Variants in AHR observed in about 807,000 individuals in gnomAD.
AHR encodes aryl hydrocarbon receptor, also known as AH-receptor.
Under a neutral mutation model 86.8 loss-of-function variants are expected in AHR, and 40 were observed. The observed-to-expected ratio is 0.46, with a 90% CI of 0.36 to 0.60. AHR has a LOEUF of 0.60. AHR is among the 20% of genes least tolerant of loss of function. The probability of loss-of-function intolerance (pLI) is 0.00; values close to 1 mark genes in which losing one functional copy is unlikely to be tolerated. For missense variants in AHR, 1,001 were observed against 1,011.6 expected, an observed-to-expected ratio of 0.99 and a Z score of 0.14; for synonymous variants, 398 against 354.9, an observed-to-expected ratio of 1.12 and a Z score of -1.37.
In AHR at chr7:17,309,949, C is replaced by A; in HGVS notation, c.79C>A (p.Pro27Thr). 1.3e-6 allele frequency: 2 copies of A among 1,578,224 alleles called. No homozygotes were observed. The highest frequency in any genetic ancestry group is 1.7e-6 in the Non-Finnish European group (2 of 1,155,216). ...KPVQKTVKPI[P>T]AEGIKSNPSK... ...TTTGTTTTTCAGAGTAAAGCCAATC[C>A]CAGCTGAAGGAATCAAGTCAAATCC... Residue 27 changes from proline (P) to threonine (T), a missense_variant, in exon 2 of 11, where the codon CCA becomes ACA. Transcript: ENST00000242057.
chr7:17,309,709 T>C (rs939190251), intron 1 of AHR, among the ~76,000 whole-genome samples: 2 of 152,252 alleles, frequency 1.3e-5, no homozygotes, highest in African/African-American at 4.8e-5. Flanking sequence ...AACATTTTCC[T>C]ATGATGAGTT....
At chr7:17,302,541 C>G (rs762473317) in intron 1 of AHR, among the ~76,000 whole-genome samples, 1 of 151,816 alleles carries the variant, frequency 6.6e-6, no homozygotes, top group Non-Finnish European at 1.5e-5. Context: ...CATCATTTTT[C>G]TTTCCAATAG....
chr7:17,331,771 G>C (rs1782298087), intron 6 of AHR, among the ~76,000 whole-genome samples: 1 of 151,980 alleles, frequency 6.6e-6, no homozygotes, highest in Non-Finnish European at 1.5e-5. Context: ...GGACTTGTCT[G>C]TTATCTCATT....
chr7:17,321,039 C>G (rs1782167442), intron 2 of AHR, among the ~76,000 whole-genome samples: 1 of 152,014 alleles, frequency 6.6e-6, no homozygotes, highest in South Asian at 2.1e-4. Flanking sequence ...GAGAGAAAGT[C>G]TAGTTATTAG....
intron 1 of AHR, among the ~76,000 whole-genome samples, chr7:17,309,073 G>A (rs1025288543): frequency 6.6e-6 from 1 of 152,134 alleles, no homozygotes; most frequent in Non-Finnish European, 1.5e-5. Context: ...ATTAATGTCT[G>A]CTGTGAAATC....
At position 17,334,033 on chromosome 7, in the gene AHR, C is replaced by G. The variant is rs2115366372; in HGVS notation, c.827C>G (p.Ser276Cys). The G allele has an allele frequency of 6.2e-7, 1 of 1,613,532 alleles. No individual in the cohort carries two copies. The highest frequency in any genetic ancestry group is 8.5e-7 in the Non-Finnish European group (1 of 1,179,534). ...FAIATPLQPPSILEIRTKNFI... is the reference protein window; with the variant it reads ...FAIATPLQPPCILEIRTKNFI... The stretch of plus-strand genomic sequence containing the variant: ...ATAGCTACTCCACTTCAGCCACCAT[C>G]CATACTTGAAATCCGGACCAAAAAT... Residue 276 changes from serine to cysteine, a missense_variant, in exon 7 of 11, where the codon TCC becomes TGC. By Grantham distance (112) the Ser-to-Cys change is moderately radical. Around this residue, in one of 2 missense-constraint regions of AHR, gnomAD observed 394 missense variants for 468.5 expected, o/e 0.84. Transcript: ENST00000242057.
chr7:17,317,103 A>G (rs1002140285), intron 2 of AHR, among the ~76,000 whole-genome samples: 2 of 131,064 alleles, frequency 1.5e-5, no homozygotes, highest in African/African-American at 5.6e-5. Flanking sequence ...CACTTGTTTT[A>G]GTGGAGAATT....
chr7:17,328,754 A>C (rs1329926773), intron 4 of AHR, among the ~76,000 whole-genome samples: 1 of 151,892 alleles, frequency 6.6e-6, no homozygotes, highest in Non-Finnish European at 1.5e-5. Flanking sequence ...GTTTTGTTAC[A>C]GGGGGTGTGT....
At chr7:17,336,336 C>G (rs542549272) in intron 9 of AHR, among the ~76,000 whole-genome samples, 1 of 151,746 alleles carries the variant, frequency 6.6e-6, no homozygotes, top group Admixed American at 6.6e-5. Flanking sequence ...GTATTTTGAT[C>G]AGGGGATTTT....
In AHR at chr7:17,343,682, A is replaced by G. The variant is rs1782450510; in HGVS notation, c.*618A>G. The G allele has an allele frequency of 6.6e-6, 1 of 152,500 alleles. No individual in the cohort carries two copies. The highest frequency in any genetic ancestry group is 6.5e-5 in the Admixed American group (1 of 15,274). 9.4% of individuals were successfully genotyped at this position (152,500 alleles called of 1,614,324 possible). A position where few individuals can be genotyped will look rare whatever the true frequency, so the allele number is the denominator to read the frequency against. On this transcript the variant is annotated 3_prime_UTR_variant, in exon 11 of 11. Coordinates refer to ENST00000242057, the MANE Select transcript of AHR (RefSeq NM_001621.5). ...ATAAAGTATTCTTTTTCTTTTTTAA[A>G]TTAATATCTTTCTGCACACAAATAT... is the stretch of plus-strand genomic sequence containing the variant.
At chr7:17,320,055 A>C (rs1782153053) in intron 2 of AHR, among the ~76,000 whole-genome samples, 1 of 152,098 alleles carries the variant, frequency 6.6e-6, no homozygotes, top group Non-Finnish European at 1.5e-5. Flanking sequence ...TTTCCTACTT[A>C]TGTAGTAGTT....
intron 9 of AHR, among the ~76,000 whole-genome samples, chr7:17,337,386 C>T (rs1350008343): frequency 6.6e-6 from 1 of 151,360 alleles, no homozygotes; most frequent in Non-Finnish European, 1.5e-5. Flanking sequence ...TATTTGTATA[C>T]ATTTGTTGAT....
intron 2 of AHR, among the ~76,000 whole-genome samples, chr7:17,311,733 C>T (rs542797884): frequency 1.1e-3 from 167 of 152,248 alleles, no homozygotes; most frequent in Non-Finnish European, 1.9e-3. Flanking sequence ...CTATACCAAA[C>T]CCTTCATCTT....
In AHR at chr7:17,299,084, C is replaced by G; in HGVS notation, c.-181C>G. On this transcript the variant is annotated 5_prime_UTR_variant, in exon 1 of 11. Transcript: ENST00000242057. ...CCTGTACTGGCGCGGGCTGCGGAAG[C>G]CTGCGTGAGCCGAGGCGTTGAGGCG... 2 of 602,060 alleles carry G rather than the reference C, an allele frequency of 3.3e-6. No homozygotes were observed. Among genetic ancestry groups the G allele is most frequent in the Non-Finnish European group, 5.4e-6 (2 of 373,350 alleles). The allele number at this position is 602,060 out of a possible 1,614,324, so 37.3% of individuals were successfully genotyped here.
intron 2 of AHR, among the ~76,000 whole-genome samples, chr7:17,312,997 A>T (rs756211436): frequency 1.3e-5 from 2 of 152,212 alleles, no homozygotes; most frequent in Non-Finnish European, 2.9e-5. Flanking sequence ...AGAATGACAA[A>T]TGCAAACATA....
In AHR at chr7:17,304,588, T is replaced by G. The variant is rs182975642; in HGVS notation, c.65+5259T>G. 4.6e-5 allele frequency among the ~76,000 whole-genome samples: 7 copies of G among 152,248 alleles called. No individual in the cohort carries two copies. The East Asian group carries it at 1.2e-3, about 25-fold the overall frequency. ...TATTCTGCCGTCACAGAAACAGAAG[T>G]GTCTTGCCTGTATTTAAGACCCGAT... On this transcript the variant is annotated intron_variant, in intron 1 of 10. Coordinates refer to ENST00000242057, the MANE Select transcript of AHR (RefSeq NM_001621.5).
chr7:17,304,475 A>G (rs1053016634), intron 1 of AHR, among the ~76,000 whole-genome samples: 1 of 152,056 alleles, frequency 6.6e-6, no homozygotes, highest in African/African-American at 2.4e-5. Flanking sequence ...ACTTAGGTTC[A>G]TCGGAGACAG....
At chr7:17,340,966 A>C (rs1426053992) in intron 10 of AHR, among the ~76,000 whole-genome samples, 2 of 152,154 alleles carry the variant, frequency 1.3e-5, no homozygotes, top group Admixed American at 6.5e-5. Context: ...TTAAATCTAA[A>C]AATGATCACT....
Position 17,340,231 on chromosome 7 carries a change from A to G in AHR, c.2403+3A>G, listed in dbSNP as rs1456535181. On this transcript the variant is annotated splice_donor_region_variant and intron_variant, in intron 10 of 10. Transcript: ENST00000242057. ...GCCAACAGGCATTTTTAAACAAGGT[A>G]AGGGTGTTATCAAACTGAATTAAAT... 1 of 1,594,930 alleles carries G rather than the reference A, an allele frequency of 6.3e-7. No homozygotes were observed.
Sources: allele counts gnomAD v4.1 joint callset (sites outside exome capture counted in the v4.1 genomes callset), GRCh38; gene constraint gnomAD v4.1.1; regional missense constraint gnomAD v4.1.1; transcripts MANE v1.5; gene names NCBI Gene and HGNC (gene_info 2026-07-23, HGNC 2026-07-21).